DENND4C: variants seen among roughly 807,000 people sequenced by gnomAD.
The protein encoded by DENND4C is DENN domain-containing protein 4C.
In DENND4C, 108 loss-of-function variants were observed where a neutral mutation model predicts 203.0. That is an observed-to-expected ratio of 0.53 (90% CI 0.46 to 0.62). The LOEUF (loss-of-function observed/expected upper bound fraction) is 0.62, where lower values mean the gene tolerates loss of function less well. DENND4C is among the 20% of genes least tolerant of loss of function. The pLI is 0.00. For missense variants in DENND4C, 2,481 were observed against 2,301.2 expected, an observed-to-expected ratio of 1.08 and a Z score of -1.60; for synonymous variants, 871 against 792.4, an observed-to-expected ratio of 1.10 and a Z score of -1.67.
At chr9:19,245,561 A>C (rs191777070) in intron 1 of DENND4C, among the ~76,000 whole-genome samples, 1 of 151,010 alleles carries the variant, frequency 6.6e-6, no homozygotes, top group East Asian at 2.0e-4. Context: ...TAACTTAAAA[A>C]ATTGTAAGCA....
At position 19,347,026 on chromosome 9, in the gene DENND4C, G is replaced by C; in HGVS notation, c.4257G>C (p.Ala1419=). The change falls in exon 23 of 33, where the codon GCG becomes GCC. Residue 1419 remains alanine (A), a synonymous_variant. Coordinates refer to ENST00000434457, the MANE Select transcript of DENND4C (RefSeq NM_001330640.2). ...DVLKSGMKQA[A]TVASKMWVAV... is the part of the protein sequence containing the mutation. ...TGAAATCTGGTATGAAACAAGCAGC[G>C]ACAGTAGCCAGTAAGATGTGGGTAG... 2 of 1,614,090 alleles carry C rather than the reference G, an allele frequency of 1.2e-6. No individual in the cohort carries two copies. The highest frequency in any genetic ancestry group is 1.7e-6 in the Non-Finnish European group (2 of 1,180,030).
rs556145010 is a variant in DENND4C, at chr9:19,333,403, A to G, written c.2460+1219A>G. Among the ~76,000 whole-genome samples the G allele has an allele frequency of 9.9e-5, 15 of 152,274 alleles. No homozygotes were observed. The East Asian group carries it at 2.9e-3, about 29-fold the overall frequency. Reference sequence around the variant, plus strand: ...TGGCACTATTGATATTTTGGCCCACACAATTGTTTATTTTAGGGGCCTGTC... The same window carrying G: ...TGGCACTATTGATATTTTGGCCCACGCAATTGTTTATTTTAGGGGCCTGTC... On this transcript the variant is annotated intron_variant, in intron 17 of 32. Coordinates refer to ENST00000434457, the MANE Select transcript of DENND4C (RefSeq NM_001330640.2).
At chr9:19,370,468 G>T (rs921669553) in intron 31 of DENND4C, among the ~76,000 whole-genome samples, 1 of 151,560 alleles carries the variant, frequency 6.6e-6, no homozygotes, top group African/African-American at 2.4e-5. Context: ...AAAAAAAAAA[G>T]AGTGGAAATA....
intron 16 of DENND4C, among the ~76,000 whole-genome samples, chr9:19,329,096 C>A (rs774922995): frequency 2.6e-5 from 4 of 152,160 alleles, no homozygotes; most frequent in African/African-American, 9.7e-5. Flanking sequence ...AGCATACCCA[C>A]TTAAAGTGTA....
intron 9 of DENND4C, among the ~76,000 whole-genome samples, chr9:19,303,551 TATAAACCTC>T (rs940561269): frequency 6.6e-6 from 1 of 152,240 alleles, no homozygotes; most frequent in African/African-American, 2.4e-5. Context: ...TATCCTAAAC[TATAAACCTC>T]ATGAGGAGAG....
intron 23 of DENND4C, among the ~76,000 whole-genome samples, 194 bp downstream of exon 23, chr9:19,347,280 G>GCCA (rs923541919): frequency 6.6e-5 from 10 of 152,266 alleles, no homozygotes; most frequent in South Asian, 6.2e-4. Flanking sequence ...ATAGGGGTGT[G>GCCA]CCACCATGCC....
At chr9:19,259,834 C>T (rs1828925951) in intron 1 of DENND4C, among the ~76,000 whole-genome samples, 1 of 152,156 alleles carries the variant, frequency 6.6e-6, no homozygotes, top group Non-Finnish European at 1.5e-5. Context: ...ATCCATTTGT[C>T]TGTTGTTGAA....
chr9:19,297,902 A>T (rs888926174), intron 6 of DENND4C, among the ~76,000 whole-genome samples, 154 bp from the exon 7 acceptor site: 3 of 152,196 alleles, frequency 2.0e-5, no homozygotes, highest in African/African-American at 7.2e-5. Flanking sequence ...GGATAAATTC[A>T]TTTACATGGA....
intron 1 of DENND4C, among the ~76,000 whole-genome samples, chr9:19,251,253 A>G (rs1826510123): frequency 6.6e-6 from 1 of 152,228 alleles, no homozygotes; most frequent in African/African-American, 2.4e-5. Flanking sequence ...TGGGGCTTGC[A>G]CCCTCTGAAA....
intron 12 of DENND4C, among the ~76,000 whole-genome samples, chr9:19,319,475 GAC>G (rs562853736): frequency 5.7e-5 from 7 of 121,944 alleles, no homozygotes; most frequent in Non-Finnish European, 1.2e-4. Context: ...TTTTGAGGGG[GAC>G]ACAGTTTCAC....
At chr9:19,262,479 T>C (rs923743490) in intron 1 of DENND4C, among the ~76,000 whole-genome samples, 28 of 147,056 alleles carry the variant, frequency 1.9e-4, no homozygotes, top group African/African-American at 7.3e-4. Flanking sequence ...TCACCCAGGC[T>C]GGAGTGTAGT....
intron 30 of DENND4C, among the ~76,000 whole-genome samples, chr9:19,367,146 A>C (rs1196467887): frequency 6.6e-6 from 1 of 152,242 alleles, no homozygotes; most frequent in Non-Finnish European, 1.5e-5. Flanking sequence ...ACAAGGAAAT[A>C]ACACTTCATA....
chr9:19,312,228 C>G (rs913062394), intron 10 of DENND4C, among the ~76,000 whole-genome samples: 1 of 152,086 alleles, frequency 6.6e-6, no homozygotes, highest in African/African-American at 2.4e-5. Flanking sequence ...CTCAGCCTCC[C>G]GAGTAGCTGG....
intron 12 of DENND4C, among the ~76,000 whole-genome samples, chr9:19,319,431 T>TAC (rs1244046737): frequency 3.7e-4 from 54 of 145,094 alleles, no homozygotes; most frequent in African/African-American, 1.3e-3. Flanking sequence ...CATATATATA[T>TAC]ACACACATAT....
intron 2 of DENND4C, among the ~76,000 whole-genome samples, chr9:19,281,001 G>C (rs1031996790): frequency 6.6e-6 from 1 of 152,048 alleles, no homozygotes; most frequent in Non-Finnish European, 1.5e-5. Flanking sequence ...TCGGCCTCCC[G>C]AAGTGCTGGG....
intron 24 of DENND4C, 35 bp from the exon 25 acceptor site, chr9:19,352,038 T>A: frequency 6.4e-7 from 1 of 1,560,784 alleles, no homozygotes; most frequent in Non-Finnish European, 8.8e-7. Context: ...AGGACATTCC[T>A]TACTTAAGGT....
chr9:19,353,867 C>T (rs576750416), intron 26 of DENND4C, among the ~76,000 whole-genome samples: 2 of 151,880 alleles, frequency 1.3e-5, no homozygotes, highest in Non-Finnish European at 2.9e-5. Context: ...ACCCAGGAGG[C>T]GAAGGTTGCA....
rs1295113060 is a variant in DENND4C, at chr9:19,361,936, C to A, written c.5497C>A (p.Pro1833Thr). The change falls in exon 30 of 33, where the codon CCT (proline) becomes ACT (threonine). Residue 1833 changes from proline (P) to threonine (T), a missense_variant. Around this residue, in one of 3 missense-constraint regions of DENND4C, gnomAD observed 2,289 missense variants for 2,113.3 expected, o/e 1.08. Coordinates refer to ENST00000434457, the MANE Select transcript of DENND4C (RefSeq NM_001330640.2). The part of the protein sequence containing the change: ...NINLHQEPRE[P>T]LYVSWRNFNS... The stretch of plus-strand genomic sequence containing the variant: ...CAACCTTCATCAGGAACCAAGAGAA[C>A]CTCTGTATGTCTCATGGAGGAATTT... 6.2e-7 allele frequency: 1 copy of A among 1,604,298 alleles called. No individual in the cohort carries two copies. Among genetic ancestry groups the A allele is most frequent in the Non-Finnish European group, 8.5e-7 (1 of 1,171,308 alleles).
In DENND4C at chr9:19,346,624, A is replaced by AGAAAGCTATAT; in HGVS notation, c.3859_3869dup (p.Asn1290LysfsTer4). The stretch of plus-strand genomic sequence containing the variant: ...TTGCACGTAATCTGGCTGATGAAAT[A>AGAAAGCTATAT]GAAAGCTATATGAACCTAAAAAGTC... On this transcript the variant is annotated frameshift_variant, in exon 23 of 33. Transcript: ENST00000434457. LOFTEE classifies it high-confidence loss of function. 1 of 1,614,204 alleles carries AGAAAGCTATAT rather than the reference A, an allele frequency of 6.2e-7. No individual in the cohort carries two copies. The highest frequency in any genetic ancestry group is 8.5e-7 in the Non-Finnish European group (1 of 1,180,046).
Sources: allele counts gnomAD v4.1 joint callset (sites outside exome capture counted in the v4.1 genomes callset), GRCh38; gene constraint gnomAD v4.1.1; regional missense constraint gnomAD v4.1.1; transcripts MANE v1.5; gene names NCBI Gene and HGNC (gene_info 2026-07-23, HGNC 2026-07-21).